The following RAPGEF4 variants were observed in gnomAD, a reference collection of about 807,000 sequenced individuals.
RAPGEF4 encodes Rap guanine nucleotide exchange factor 4, also known as RAP guanine-nucleotide-exchange factor (GEF) 4.
A neutral mutation model predicts 147.9 loss-of-function variants in RAPGEF4; 66 were observed. The observed-to-expected ratio is 0.45, with a 90% CI of 0.37 to 0.55. RAPGEF4 has a LOEUF of 0.55. RAPGEF4 is among the 20% of genes least tolerant of loss of function. RAPGEF4 has a pLI of 0.00. For missense variants in RAPGEF4, 1,071 were observed against 1,257.3 expected, an observed-to-expected ratio of 0.85 and a Z score of 2.24; for synonymous variants, 419 against 442.7, an observed-to-expected ratio of 0.95 and a Z score of 0.67.
intron 6 of RAPGEF4, among the ~76,000 whole-genome samples, chr2:172,933,854 AG>A (rs1686238915): frequency 6.6e-6 from 1 of 152,218 alleles, no homozygotes; most frequent in Admixed American, 6.5e-5. Flanking sequence ...AGACATCCTC[AG>A]GGACCTAATT....
intron 1 of RAPGEF4, among the ~76,000 whole-genome samples, chr2:172,787,230 A>T (rs1685300989): frequency 6.6e-6 from 1 of 152,124 alleles, no homozygotes. Context: ...AAAATAAAAA[A>T]ATTTAAAAAC....
intron 4 of RAPGEF4, among the ~76,000 whole-genome samples, chr2:172,888,890 T>C (rs1187833410): frequency 6.6e-6 from 1 of 152,316 alleles, no homozygotes; most frequent in East Asian, 1.9e-4. Context: ...TCCAATTGCC[T>C]AATGGGGAGA....
At chr2:173,017,076 T>G (rs1305194591) in intron 19 of RAPGEF4, 98 bp from the exon 20 acceptor site, 1 of 1,193,416 alleles carries the variant, frequency 8.4e-7, no homozygotes, top group Non-Finnish European at 1.2e-6. Context: ...ATTCTGTGAT[T>G]GTGATTTCAT....
In RAPGEF4 at chr2:173,042,759, G is replaced by A. The variant is rs891122868; in HGVS notation, c.2854-5841G>A. On this transcript the variant is annotated intron_variant, in intron 29 of 30. Transcript: ENST00000397081. The surrounding 1 kb of genome is among the most constrained non-coding windows in gnomAD (Gnocchi z 4.2). Reference sequence around the variant, plus strand: ...TTATTCTGTCCCCCCTCCTCCCTGTGGTGCTGTGTCTGTCCTCCAGTGTCC... The same window carrying A: ...TTATTCTGTCCCCCCTCCTCCCTGTAGTGCTGTGTCTGTCCTCCAGTGTCC... Among the ~76,000 whole-genome samples, 2 of 152,304 alleles carry A rather than the reference G, an allele frequency of 1.3e-5. No individual in the cohort carries two copies. Among genetic ancestry groups the A allele is most frequent in the East Asian group, 3.9e-4 (2 of 5,186 alleles).
At chr2:172,855,401 C>G (rs560929333) in intron 4 of RAPGEF4, among the ~76,000 whole-genome samples, 1 of 152,066 alleles carries the variant, frequency 6.6e-6, no homozygotes. Context: ...CTCCAAAATA[C>G]AGTGTTAGAA....
intron 6 of RAPGEF4, among the ~76,000 whole-genome samples, chr2:172,930,450 A>G (rs1469084780): frequency 1.3e-5 from 2 of 152,022 alleles, no homozygotes; most frequent in Non-Finnish European, 2.9e-5. Context: ...GCTATTGTTC[A>G]CTCTGACCTC....
chr2:172,822,120 C>T (rs1689135273), intron 4 of RAPGEF4: 3 of 1,018,482 alleles, frequency 2.9e-6, no homozygotes, highest in Non-Finnish European at 4.3e-6. Context: ...TGTACCATGG[C>T]AGGGACATAA....
chr2:172,741,598 A>C (rs1188369969), intron 1 of RAPGEF4, among the ~76,000 whole-genome samples: 1 of 152,254 alleles, frequency 6.6e-6, no homozygotes, highest in Non-Finnish European at 1.5e-5. Context: ...TTGAAAAAAA[A>C]ACTAACATCT....
chr2:172,794,736 C>T (rs1384573535), intron 1 of RAPGEF4, among the ~76,000 whole-genome samples: 2 of 152,132 alleles, frequency 1.3e-5, no homozygotes. Flanking sequence ...TCTTGTGCTT[C>T]TAAGGGATTA....
intron 4 of RAPGEF4, among the ~76,000 whole-genome samples, chr2:172,882,595 C>G (rs1176455806): frequency 6.6e-6 from 1 of 152,154 alleles, no homozygotes; most frequent in African/African-American, 2.4e-5. Context: ...AACTCAAGGT[C>G]TGTGTTTATA....
At chr2:172,947,300 G>C (rs768907906) in intron 6 of RAPGEF4, among the ~76,000 whole-genome samples, 23 of 152,146 alleles carry the variant, frequency 1.5e-4, no homozygotes, top group Non-Finnish European at 2.6e-4. Flanking sequence ...ATAACATATG[G>C]ACTTCAATAC....
At chr2:172,788,601 T>A (rs1178446749) in intron 1 of RAPGEF4, among the ~76,000 whole-genome samples, 1 of 152,106 alleles carries the variant, frequency 6.6e-6, no homozygotes, top group Non-Finnish European at 1.5e-5. Context: ...ATCAAGGTGC[T>A]CCTGGCCAAG....
chr2:172,914,771 C>T (rs1041794332), intron 4 of RAPGEF4, among the ~76,000 whole-genome samples: 9 of 152,208 alleles, frequency 5.9e-5, no homozygotes, highest in Non-Finnish European at 1.0e-4. Flanking sequence ...TTGCTTCATT[C>T]TCACCAATAG....
intron 4 of RAPGEF4, among the ~76,000 whole-genome samples, chr2:172,869,905 C>G (rs983244322): frequency 3.3e-5 from 5 of 152,042 alleles, no homozygotes; most frequent in African/African-American, 1.2e-4. Context: ...TTATTGACAT[C>G]CTTCATGGAG....
At chr2:172,836,035 A>C (rs1304242643) in intron 4 of RAPGEF4, among the ~76,000 whole-genome samples, 1 of 152,212 alleles carries the variant, frequency 6.6e-6, no homozygotes, top group Admixed American at 6.5e-5. Flanking sequence ...GACTTTCTGA[A>C]TAGAAGTGAA....
intron 4 of RAPGEF4, among the ~76,000 whole-genome samples, chr2:172,908,720 G>A (rs1051604718): frequency 5.9e-5 from 9 of 152,286 alleles, no homozygotes; most frequent in African/African-American, 2.2e-4. Flanking sequence ...ACACTCTAGT[G>A]ATCATTGGGG....
At chr2:172,856,979 G>A (rs2676508) in intron 4 of RAPGEF4, among the ~76,000 whole-genome samples, 27 of 111,496 alleles carry the variant, frequency 2.4e-4, no homozygotes, top group African/African-American at 9.5e-4. Flanking sequence ...CCCCCCGCCC[G>A]CCTTTATTTC....
intron 1 of RAPGEF4, among the ~76,000 whole-genome samples, chr2:172,753,714 T>A (rs1375323433): frequency 6.6e-6 from 1 of 152,006 alleles, no homozygotes; most frequent in African/African-American, 2.4e-5. Context: ...CTTTTTTTTT[T>A]AAAGCTTACT....
At chr2:172,801,684 T>C (rs530388133) in intron 3 of RAPGEF4, among the ~76,000 whole-genome samples, 2 of 152,120 alleles carry the variant, frequency 1.3e-5, no homozygotes, top group Non-Finnish European at 2.9e-5. Context: ...GCCAGTTCTT[T>C]GTGATTCTGG....
Sources: allele counts gnomAD v4.1 joint callset (sites outside exome capture counted in the v4.1 genomes callset), GRCh38; gene constraint gnomAD v4.1.1; non-coding constraint Gnocchi (gnomAD v3.1); transcripts MANE v1.5; gene names NCBI Gene and HGNC (gene_info 2026-07-23, HGNC 2026-07-21).